The following LUZP2 variants were observed in gnomAD, a reference collection of about 807,000 sequenced individuals.
LUZP2 encodes the protein leucine zipper protein 2.
A neutral mutation model predicts 51.6 loss-of-function variants in LUZP2; 52 were observed. That is an observed-to-expected ratio of 1.01 (90% CI 0.81 to 1.27). LUZP2 has a LOEUF of 1.27. LUZP2 is among the 50% of genes most tolerant of loss of function. LUZP2 has a pLI of 0.00. For synonymous variants in LUZP2, 154 were observed against 137.3 expected (o/e 1.12, Z -0.85); for missense variants, 436 against 395.4 (o/e 1.10, Z -0.87).
chr11:24,585,191 A>G (rs145081642), intron 1 of LUZP2, among the ~76,000 whole-genome samples: 19 of 152,120 alleles, frequency 1.2e-4, no homozygotes, highest in Middle Eastern at 3.5e-3. Flanking sequence ...TGGAGAAAAT[A>G]TGTGCCTCTT....
intron 5 of LUZP2, chr11:24,785,787 C>A (rs1049929658): frequency 4.6e-5 from 36 of 775,530 alleles, no homozygotes; most frequent in Non-Finnish European, 5.5e-5. Flanking sequence ...TGTCAGACAG[C>A]ATTTAGCCCA....
At chr11:24,601,862 A>ATG (rs1210067613) in intron 1 of LUZP2, among the ~76,000 whole-genome samples, 1 of 126,080 alleles carries the variant, frequency 7.9e-6, no homozygotes, top group Non-Finnish European at 1.6e-5. Flanking sequence ...ATATATATAT[A>ATG]TGTGTATATG....
At chr11:24,809,896 C>A (rs1693710645) in intron 5 of LUZP2, among the ~76,000 whole-genome samples, 2 of 151,956 alleles carry the variant, frequency 1.3e-5, no homozygotes, top group Admixed American at 6.6e-5. Context: ...TGGCACATTA[C>A]CTAGAATTTT....
intron 7 of LUZP2, among the ~76,000 whole-genome samples, chr11:24,938,929 G>C (rs933901589): frequency 1.3e-5 from 2 of 152,050 alleles, no homozygotes; most frequent in Non-Finnish European, 2.9e-5. Context: ...TGCTGATTTA[G>C]TAGGTCTCGG....
At chr11:24,758,375 T>C (rs1859852025) in intron 4 of LUZP2, among the ~76,000 whole-genome samples, 2 of 151,834 alleles carry the variant, frequency 1.3e-5, no homozygotes, top group Admixed American at 1.3e-4. Flanking sequence ...ATATCATGAA[T>C]ATTTTATTTT....
At chr11:24,647,970 A>T (rs531013942) in intron 1 of LUZP2, among the ~76,000 whole-genome samples, 19 of 151,542 alleles carry the variant, frequency 1.3e-4, no homozygotes, top group African/African-American at 4.4e-4. Flanking sequence ...AGCCACCTGT[A>T]CTCTTTTCTA....
At chr11:24,543,403 C>A (rs1207390857) in intron 1 of LUZP2, among the ~76,000 whole-genome samples, 5 of 151,978 alleles carry the variant, frequency 3.3e-5, no homozygotes, top group Admixed American at 6.6e-5. Context: ...GTCTATGTGA[C>A]CATGTCTCTG....
rs577657976 is a variant in LUZP2, at chr11:24,991,006, T to C, written c.765+7713T>C. Among the ~76,000 whole-genome samples the C allele has an allele frequency of 2.0e-4, 31 of 152,002 alleles. 1 individual carries two copies. The highest frequency in any genetic ancestry group is 7.0e-4 in the African/African-American group (29 of 41,506). On this transcript the variant is annotated intron_variant, in intron 9 of 11. Transcript: ENST00000336930. Reference sequence around the variant, plus strand: ...TTTCCATAGGTTATTGGAGAACAGGTGGTGTTTGGTTACATGAGTAAGTTC... The same window carrying C: ...TTTCCATAGGTTATTGGAGAACAGGCGGTGTTTGGTTACATGAGTAAGTTC...
chr11:24,620,203 C>A (rs1031853526), intron 1 of LUZP2, among the ~76,000 whole-genome samples: 59 of 152,144 alleles, frequency 3.9e-4, no homozygotes, highest in Admixed American at 3.9e-4. Flanking sequence ...GAATTTCATT[C>A]CATTATTTGT....
intron 5 of LUZP2, among the ~76,000 whole-genome samples, chr11:24,902,079 T>C (rs1351898514): frequency 5.9e-5 from 9 of 152,218 alleles, no homozygotes. Flanking sequence ...CAAAGGGTTT[T>C]ATTGTCAATC....
intron 7 of LUZP2, among the ~76,000 whole-genome samples, chr11:24,930,425 C>T (rs1854413311): frequency 6.6e-6 from 1 of 152,138 alleles, no homozygotes; most frequent in South Asian, 2.1e-4. Flanking sequence ...GCTGGCTTAG[C>T]ATTGGCAAAA....
chr11:24,919,856 A>G (rs1018231355), intron 7 of LUZP2, among the ~76,000 whole-genome samples: 1 of 151,446 alleles, frequency 6.6e-6, no homozygotes, highest in African/African-American at 2.4e-5. Flanking sequence ...TCCCATCAGT[A>G]CAATAATAAC....
At chr11:24,833,566 A>G (rs192676318) in intron 5 of LUZP2, among the ~76,000 whole-genome samples, 29 of 152,236 alleles carry the variant, frequency 1.9e-4, no homozygotes, top group Middle Eastern at 3.4e-3. Flanking sequence ...TTGGCTGTCA[A>G]TCAGAATTAT....
At chr11:24,690,893 T>C (rs1480584564) in intron 1 of LUZP2, among the ~76,000 whole-genome samples, 1 of 152,048 alleles carries the variant, frequency 6.6e-6, no homozygotes, top group Non-Finnish European at 1.5e-5. Flanking sequence ...AAAATGTAAT[T>C]TGTAAACTGC....
chr11:24,608,065 G>T (rs2133881224), intron 1 of LUZP2, among the ~76,000 whole-genome samples: 1 of 152,146 alleles, frequency 6.6e-6, no homozygotes, highest in Non-Finnish European at 1.5e-5. Context: ...TATGCAGGAA[G>T]GTCTCGATCT....
At chr11:25,029,936 ATTT>A (rs1554957750) in intron 9 of LUZP2, among the ~76,000 whole-genome samples, 1 of 151,728 alleles carries the variant, frequency 6.6e-6, no homozygotes, top group Non-Finnish European at 1.5e-5. Flanking sequence ...CCAAGTAATT[ATTT>A]TTTATTTTTA....
At chr11:25,030,506 T>C (rs932113293) in intron 9 of LUZP2, among the ~76,000 whole-genome samples, 2 of 152,014 alleles carry the variant, frequency 1.3e-5, no homozygotes, top group Non-Finnish European at 2.9e-5. Flanking sequence ...CAATTCTTTT[T>C]CCAAAAATAG....
chr11:24,872,175 T>C (rs906341478), intron 5 of LUZP2, among the ~76,000 whole-genome samples: 1 of 152,156 alleles, frequency 6.6e-6, no homozygotes, highest in African/African-American at 2.4e-5. Flanking sequence ...CAATTTCTTA[T>C]ATTAGAGTAG....
chr11:24,840,333 T>C (rs1020748444), intron 5 of LUZP2, among the ~76,000 whole-genome samples: 1 of 151,920 alleles, frequency 6.6e-6, no homozygotes, highest in African/African-American at 2.4e-5. Context: ...AGGCATAGCC[T>C]TATATAGGAA....
Sources: gnomAD v4.1 joint callset for allele counts (sites outside exome capture counted in the v4.1 genomes callset) on GRCh38, gnomAD v4.1.1 for gene constraint, MANE v1.5 for transcripts, NCBI Gene and HGNC (gene_info 2026-07-23, HGNC 2026-07-21) for gene names.